The following RBM27 variants were observed in gnomAD, a reference collection of about 807,000 sequenced individuals.
RBM27 encodes the protein RNA-binding protein 27.
Under a neutral mutation model 135.3 loss-of-function variants are expected in RBM27, and 22 were observed. The ratio of observed to expected loss-of-function variants is 0.16; its 90% CI spans 0.12 to 0.23. The LOEUF (loss-of-function observed/expected upper bound fraction) is 0.23. Among genes scored for constraint, RBM27 ranks in the 10% least tolerant of loss-of-function variants. The pLI, the probability that RBM27 is intolerant of heterozygous loss-of-function variation, is 1.00. For synonymous variants in RBM27, 481 were observed against 442.4 expected, an observed-to-expected ratio of 1.09 and a Z score of -1.10; for missense variants, 1,009 against 1,281.0, an observed-to-expected ratio of 0.79 and a Z score of 3.24.
chr5:146,280,249 G>A (rs1167882151), intron 19 of RBM27, among the ~76,000 whole-genome samples: 1 of 151,990 alleles, frequency 6.6e-6, no homozygotes, highest in Admixed American at 6.6e-5. Context: ...GTAGAGATGA[G>A]GTTTCACCAT....
intron 1 of RBM27, among the ~76,000 whole-genome samples, chr5:146,215,112 T>A (rs1441943526): frequency 6.6e-6 from 1 of 152,180 alleles, no homozygotes; most frequent in Non-Finnish European, 1.5e-5. Flanking sequence ...TGCACTGGCG[T>A]GATCTCGGCT....
chr5:146,226,186 A>C (rs1368663511), intron 3 of RBM27, among the ~76,000 whole-genome samples: 1 of 152,004 alleles, frequency 6.6e-6, no homozygotes, highest in Non-Finnish European at 1.5e-5. Context: ...AACTTTCTTG[A>C]GTACTTTCAT....
chr5:146,232,883 T>C (rs1272306713), intron 6 of RBM27, among the ~76,000 whole-genome samples: 3 of 152,162 alleles, frequency 2.0e-5, no homozygotes, highest in Non-Finnish European at 4.4e-5. Flanking sequence ...CTTAGTATTC[T>C]TTATGTACAA....
Position 146,287,128 on chromosome 5 carries a change from T to TG in RBM27, c.*1104dup, listed in dbSNP as rs2126933066. 1 of 4,242 alleles carries TG rather than the reference T, an allele frequency of 2.4e-4. No individual in the cohort carries two copies. Among genetic ancestry groups the TG allele is most frequent in the Admixed American group, 3.2e-3 (1 of 310 alleles). 0.3% of individuals were successfully genotyped at this position (4,242 alleles called of 1,614,324 possible). A position where few individuals can be genotyped will look rare whatever the true frequency, so the allele number is the denominator to read the frequency against. On this transcript the variant is annotated 3_prime_UTR_variant, in exon 21 of 21. Transcript: ENST00000265271. ...CCATGATGGTGAGGTGACTGGGGGG[T>TG]GGGGGGTGGAGGTGGGAGGGGGTTG...
At chr5:146,269,115 G>A in intron 15 of RBM27, 92 bp from the exon 16 acceptor site, 4 of 762,596 alleles carry the variant, frequency 5.2e-6, no homozygotes, top group Admixed American at 5.2e-5. Flanking sequence ...TTTATTAGGA[G>A]GACAGTCTGT....
chr5:146,206,247 TC>T (rs1199658972), intron 1 of RBM27, among the ~76,000 whole-genome samples: 1 of 151,712 alleles, frequency 6.6e-6, no homozygotes, highest in Non-Finnish European at 1.5e-5. Context: ...ACTTGCTTTT[TC>T]TTTTTTTTAA....
intron 19 of RBM27, among the ~76,000 whole-genome samples, chr5:146,282,248 C>T (rs556460287): frequency 3.3e-5 from 5 of 152,226 alleles, no homozygotes; most frequent in East Asian, 1.9e-4. Flanking sequence ...TCAGGTGATC[C>T]GCCCACCTCG....
At chr5:146,284,033 T>TA (rs1759478874) in intron 19 of RBM27, among the ~76,000 whole-genome samples, 1 of 152,196 alleles carries the variant, frequency 6.6e-6, no homozygotes, top group South Asian at 2.1e-4. Flanking sequence ...AAAAAATGTT[T>TA]AAAAATTAGT....
At position 146,217,896 on chromosome 5, in the gene RBM27, T is replaced by G. The variant is rs546308564; in HGVS notation, c.60-1089T>G. On this transcript the variant is annotated intron_variant, in intron 1 of 20. Transcript: ENST00000265271. The stretch of plus-strand genomic sequence containing the variant: ...CCTCAGCCTCCCGAGTAGCTGGGAT[T>G]ACAGACGTGCACCACCACACCTGGC... 1.6e-3 allele frequency among the ~76,000 whole-genome samples: 247 copies of G among 152,126 alleles called. 7 individuals are homozygous for G. In the South Asian group the frequency reaches 0.05, roughly 31 times the overall value.
rs748972296 is a variant in RBM27, at chr5:146,255,052, G to A, written c.1554G>A (p.Leu518=). The change falls in exon 10 of 21, where the codon CTG becomes CTA. Residue 518 remains leucine, a synonymous_variant. Transcript: ENST00000265271. ...GAACTCAGACACAGCGTCCCAATCT[G>A]ATTGGCCTAACATCTGGAGATATGG... ...FSRTQTQRPN[L]IGLTSGDMDV... The A allele has an allele frequency of 6.2e-7, 1 of 1,612,696 alleles. No homozygotes were observed. Among genetic ancestry groups the A allele is most frequent in the Non-Finnish European group, 8.5e-7 (1 of 1,178,940 alleles).
chr5:146,246,935 C>T (rs941106691), intron 8 of RBM27, among the ~76,000 whole-genome samples: 1 of 150,452 alleles, frequency 6.6e-6, no homozygotes, highest in Non-Finnish European at 1.5e-5. Flanking sequence ...ACAATCTTGG[C>T]TCACTGCAGT....
chr5:146,267,525 G>T, intron 14 of RBM27, 124 bp from the exon 15 acceptor site: 1 of 621,012 alleles, frequency 1.6e-6, no homozygotes, highest in Non-Finnish European at 2.7e-6. Context: ...ATTTTTAAAT[G>T]TAAAAAGAAA....
intron 13 of RBM27, 145 bp from the exon 14 acceptor site, chr5:146,263,346 A>G (rs767578880): frequency 2.0e-5 from 15 of 748,602 alleles, no homozygotes; most frequent in Middle Eastern, 3.9e-4. Context: ...AGTTCCCCTT[A>G]AAAAATAAAA....
At chr5:146,274,362 T>C (rs1758999487) in intron 19 of RBM27, among the ~76,000 whole-genome samples, 1 of 152,256 alleles carries the variant, frequency 6.6e-6, no homozygotes, top group Non-Finnish European at 1.5e-5. Flanking sequence ...GTTCAAGCGA[T>C]TCTCGTGCCT....
rs1758486505 is a variant in RBM27 at position 146,263,572 on chromosome 5, A to G, written c.2272A>G (p.Asn758Asp). The G allele has an allele frequency of 6.2e-7, 1 of 1,614,060 alleles. No individual in the cohort carries two copies. Among genetic ancestry groups the G allele is most frequent in the Non-Finnish European group, 8.5e-7 (1 of 1,180,022 alleles). Reference sequence around the variant, plus strand: ...ACATCGTCTTGGACATGCAGGTGGTAACCAGAGTGATGCATCACATTTGTT... The same window carrying G: ...ACATCGTCTTGGACATGCAGGTGGTGACCAGAGTGATGCATCACATTTGTT... Reference protein sequence around the residue: ...VKHRLGHAGGNQSDASHLLNQ... With the variant: ...VKHRLGHAGGDQSDASHLLNQ... Residue 758 changes from asparagine to aspartate, a missense_variant, in exon 14 of 21, where the codon AAC becomes GAC. Physicochemically the swap from Asn to Asp is conservative, Grantham distance 23. Transcript: ENST00000265271.
At position 146,287,086 on chromosome 5, in the gene RBM27, C is replaced by A. The variant is rs959787679; in HGVS notation, c.*1056C>A. Reference sequence around the variant, plus strand: ...GAAGGGTTTAAAAATGTCTGAAATTCTTTTCCTAAATTTAAACCATGATGG... The same window carrying A: ...GAAGGGTTTAAAAATGTCTGAAATTATTTTCCTAAATTTAAACCATGATGG... On this transcript the variant is annotated 3_prime_UTR_variant, in exon 21 of 21. Transcript: ENST00000265271. The A allele has an allele frequency of 9.2e-6, 1 of 108,192 alleles. No individual in the cohort carries two copies. The highest frequency in any genetic ancestry group is 3.7e-5 in the African/African-American group (1 of 27,206). 6.7% of individuals were successfully genotyped at this position (108,192 alleles called of 1,614,324 possible).
At chr5:146,207,410 T>G (rs1296764970) in intron 1 of RBM27, among the ~76,000 whole-genome samples, 1 of 151,482 alleles carries the variant, frequency 6.6e-6, no homozygotes, top group Non-Finnish European at 1.5e-5. Context: ...GAGAGGGGGT[T>G]TCACTTTGTT....
At chr5:146,223,337 G>T in intron 2 of RBM27, 66 bp from the exon 3 acceptor site, 2 of 1,464,858 alleles carry the variant, frequency 1.4e-6, no homozygotes, top group South Asian at 1.4e-5. Flanking sequence ...GAGCTTTGCT[G>T]ACAATGTGTT....
At chr5:146,209,233 C>CT (rs1157512923) in intron 1 of RBM27, among the ~76,000 whole-genome samples, 1 of 152,114 alleles carries the variant, frequency 6.6e-6, no homozygotes, top group East Asian at 1.9e-4. Context: ...ATGAAACTTT[C>CT]TGCAAAAGTA....
Sources: gnomAD v4.1 joint callset for allele counts (sites outside exome capture counted in the v4.1 genomes callset) on GRCh38, gnomAD v4.1.1 for gene constraint, MANE v1.5 for transcripts, NCBI Gene and HGNC (gene_info 2026-07-23, HGNC 2026-07-21) for gene names.